Variants in TMEM217 observed in about 807,000 individuals in gnomAD.
TMEM217 encodes chromosome 6 open reading frame 128.
For missense variants in TMEM217, 204 were observed against 248.8 expected, an observed-to-expected ratio of 0.82 and a Z score of 1.21; for synonymous variants, 76 against 88.3, an observed-to-expected ratio of 0.86 and a Z score of 0.78.
chr6:37,217,095 A>C (rs443860), downstream of TMEM217, among the ~76,000 whole-genome samples: 96,405 of 151,916 alleles, frequency 0.63, 30,822 homozygotes, highest in East Asian at 0.84. Flanking sequence ...GGAATTCAAT[A>C]CCAGCCTGAC....
chr6:37,249,467 G>A (rs1049095058), intron 1 of TMEM217, among the ~76,000 whole-genome samples: 4 of 151,972 alleles, frequency 2.6e-5, no homozygotes, highest in Admixed American at 2.0e-4. Context: ...CTATAGACAC[G>A]TGCCACCATG....
At chr6:37,257,696 C>A in exon 1 of TMEM217, 1 of 543,768 alleles carries the variant, frequency 1.8e-6, no homozygotes. Flanking sequence ...CTGCAGGATT[C>A]CGGCTCCCAA....
rs761795411 is a variant in TMEM217 at position 37,218,866 on chromosome 6, G to A, written c.165C>T (p.Ile55=). ...TCCAGCAGATGATGAAGTTATTTAT[G>A]ATGTTACTTGCACCCCTGTACTTTG... The change falls in exon 2 of 2, where the codon ATC becomes ATT. Residue 55 remains isoleucine, a synonymous_variant. Transcript: ENST00000357219. The A allele has an allele frequency of 2.5e-6, 4 of 1,614,180 alleles. No individual in the cohort carries two copies. In the South Asian group the frequency reaches 4.4e-5, roughly 18 times the overall value.
At chr6:37,236,957 T>C (rs1325916839) in intron 1 of TMEM217, among the ~76,000 whole-genome samples, 1 of 152,220 alleles carries the variant, frequency 6.6e-6, no homozygotes, top group Non-Finnish European at 1.5e-5. Flanking sequence ...CCATGGTCTC[T>C]CTGTGTGGGC....
chr6:37,234,028 T>C (rs1183680978), intron 1 of TMEM217, among the ~76,000 whole-genome samples: 1 of 152,166 alleles, frequency 6.6e-6, no homozygotes, highest in East Asian at 1.9e-4. Context: ...AGTAGGCTAA[T>C]GTAAGTGTTC....
At chr6:37,215,372 C>T, downstream of TMEM217, 1 of 1,438,974 alleles carries the variant, frequency 6.9e-7, no homozygotes, top group Non-Finnish European at 9.3e-7. Flanking sequence ...GTCAGGAGTT[C>T]AAGACCAGTC....
intron 1 of TMEM217, among the ~76,000 whole-genome samples, chr6:37,230,727 G>C (rs189190242): frequency 6.6e-6 from 1 of 152,296 alleles, no homozygotes; most frequent in African/African-American, 2.4e-5. Flanking sequence ...TCTGTGATAT[G>C]TAGTTATAGA....
chr6:37,232,178 G>A (rs935514655), intron 1 of TMEM217, among the ~76,000 whole-genome samples: 2 of 152,076 alleles, frequency 1.3e-5, no homozygotes, highest in Admixed American at 6.5e-5. Flanking sequence ...ACAAAAGGAC[G>A]CTTCGTTCCA....
At chr6:37,222,792 C>G (rs1245747094) in intron 1 of TMEM217, among the ~76,000 whole-genome samples, 2 of 152,222 alleles carry the variant, frequency 1.3e-5, no homozygotes, top group Admixed American at 6.5e-5. Flanking sequence ...CAGTAGCACC[C>G]GGTGAGTTCC....
chr6:37,215,404 A>G (rs3929261), downstream of TMEM217: 11 of 1,205,504 alleles, frequency 9.1e-6, no homozygotes, highest in East Asian at 3.5e-4. Flanking sequence ...GTGAAACCCC[A>G]TCTCTACTAA....
At chr6:37,255,528 A>C (rs1765667129) in intron 1 of TMEM217, among the ~76,000 whole-genome samples, 3 of 152,064 alleles carry the variant, frequency 2.0e-5, no homozygotes, top group Non-Finnish European at 4.4e-5. Context: ...ACAAAAATAC[A>C]AAAAATTAGC....
intron 1 of TMEM217, among the ~76,000 whole-genome samples, chr6:37,221,739 C>T (rs1430791141): frequency 1.3e-5 from 2 of 152,168 alleles, no homozygotes; most frequent in Non-Finnish European, 2.9e-5. Context: ...AGTTCTTGTT[C>T]TGTGTCCAAG....
intron 1 of TMEM217, among the ~76,000 whole-genome samples, chr6:37,224,627 T>C (rs941508367): frequency 2.7e-5 from 4 of 147,250 alleles, no homozygotes; most frequent in African/African-American, 1.0e-4. Flanking sequence ...AAAAAAAACC[T>C]TTTATTTTTG....
intron 1 of TMEM217, among the ~76,000 whole-genome samples, chr6:37,248,375 T>C (rs1276600312): frequency 6.6e-6 from 1 of 152,252 alleles, no homozygotes; most frequent in African/African-American, 2.4e-5. Context: ...GGTGCAGTGC[T>C]GCATTGAATT....
At chr6:37,217,642 T>C in exon 2 of TMEM217, 2 of 985,382 alleles carry the variant, frequency 2.0e-6, no homozygotes, top group Non-Finnish European at 2.4e-6. Flanking sequence ...AATTGAAGGA[T>C]GAATTTTCTC....
chr6:37,218,385 C>G (rs1207917292), exon 2 of TMEM217: 1 of 1,469,276 alleles, frequency 6.8e-7, no homozygotes, highest in East Asian at 2.3e-5. Flanking sequence ...CTGCCAAGGC[C>G]AGGCTGGTCT....
At chr6:37,241,881 TAAATTTGC>T (rs1386179060) in intron 1 of TMEM217, among the ~76,000 whole-genome samples, 1 of 152,222 alleles carries the variant, frequency 6.6e-6, no homozygotes, top group African/African-American at 2.4e-5. Flanking sequence ...TGTAACCGTG[TAAATTTGC>T]ACTGTAACTA....
At chr6:37,214,248 G>A (rs148566165), downstream of TMEM217, among the ~76,000 whole-genome samples, 927 of 151,656 alleles carry the variant, frequency 6.1e-3, 8 homozygotes, top group Middle Eastern at 0.068. Context: ...TCTCTCTTTC[G>A]ACAGAGTCTT....
chr6:37,248,240 C>G (rs1047811627), intron 1 of TMEM217, among the ~76,000 whole-genome samples: 9 of 152,108 alleles, frequency 5.9e-5, no homozygotes, highest in African/African-American at 2.2e-4. Flanking sequence ...AGATTATACA[C>G]TTGTTGAGGA....
Sources: allele counts gnomAD v4.1 joint callset (sites outside exome capture counted in the v4.1 genomes callset), GRCh38; gene constraint gnomAD v4.1.1; transcripts MANE v1.5; gene names NCBI Gene and HGNC (gene_info 2026-07-23, HGNC 2026-07-21).